The following EMC2 variants were observed in gnomAD, a reference collection of about 807,000 sequenced individuals.
EMC2 encodes the protein TPR repeat protein 35.
Under a neutral mutation model 51.6 loss-of-function variants are expected in EMC2, and 37 were observed. The observed-to-expected ratio is 0.72, with a 90% CI of 0.55 to 0.94. EMC2 has a LOEUF of 0.94. Among genes scored for constraint, EMC2 ranks in the 40% least tolerant of loss-of-function variants. The pLI is 0.00. For missense variants in EMC2, 359 were observed against 350.9 expected, an observed-to-expected ratio of 1.02 and a Z score of -0.18; for synonymous variants, 131 against 112.4, an observed-to-expected ratio of 1.17 and a Z score of -1.04.
At chr8:108,448,933 C>G (rs559175510) in intron 1 of EMC2, among the ~76,000 whole-genome samples, 23 of 151,824 alleles carry the variant, frequency 1.5e-4, no homozygotes, top group Non-Finnish European at 2.5e-4. Context: ...TTAAGTTGTT[C>G]TTCTGTACCT....
At chr8:108,455,112 C>CT (rs1028574215) in intron 4 of EMC2, among the ~76,000 whole-genome samples, 3 of 151,834 alleles carry the variant, frequency 2.0e-5, no homozygotes, top group African/African-American at 7.3e-5. Context: ...AGTTTTGTGT[C>CT]TATCATAAGT....
rs1176811243 is a variant in EMC2, at chr8:108,443,688, C to T, written c.30C>T (p.Val10=). The T allele has an allele frequency of 6.2e-7, 1 of 1,610,138 alleles. No homozygotes were observed. The highest frequency in any genetic ancestry group is 1.1e-5 in the South Asian group (1 of 90,222). The stretch of plus-strand genomic sequence containing the variant: ...CGAAGGTCTCAGAGCTTTACGATGT[C>T]ACTTGGGAAGGTAACTTCGGGTGGG... MAKVSELYD[V]TWEEMRDKMR... is the part of the protein sequence containing the mutation. The change falls in exon 1 of 11, where the codon GTC becomes GTT. Residue 10 remains valine, a synonymous_variant. Transcript: ENST00000220853.
At chr8:108,480,736 G>A (rs1811031127) in intron 10 of EMC2, among the ~76,000 whole-genome samples, 1 of 152,076 alleles carries the variant, frequency 6.6e-6, no homozygotes, top group African/African-American at 2.4e-5. Context: ...TGGTGTTTCT[G>A]CCCTGTTCAG....
At chr8:108,476,024 G>A (rs2130401499) in intron 8 of EMC2, 61 bp downstream of exon 8, 4 of 859,894 alleles carry the variant, frequency 4.7e-6, no homozygotes, top group South Asian at 3.3e-5. Context: ...GTGTTATTAT[G>A]GAACTAAGAA....
chr8:108,463,147 AATT>A (rs1370530507), intron 5 of EMC2, among the ~76,000 whole-genome samples: 3 of 152,166 alleles, frequency 2.0e-5, no homozygotes, highest in Non-Finnish European at 4.4e-5. Context: ...GGTAATTTTT[AATT>A]TTTATTCTTA....
intron 5 of EMC2, among the ~76,000 whole-genome samples, chr8:108,462,175 C>T (rs890911836): frequency 1.4e-4 from 16 of 115,414 alleles, no homozygotes; most frequent in East Asian, 2.2e-4. Flanking sequence ...AATAGGCCTG[C>T]GCGTGTGTGT....
intron 10 of EMC2, among the ~76,000 whole-genome samples, chr8:108,485,419 T>A (rs1015238827): frequency 4.1e-5 from 6 of 146,216 alleles, no homozygotes; most frequent in South Asian, 2.1e-4. Flanking sequence ...TATATATATA[T>A]AAAATATATA....
At chr8:108,484,125 G>A (rs1811093403) in intron 10 of EMC2, among the ~76,000 whole-genome samples, 1 of 152,086 alleles carries the variant, frequency 6.6e-6, no homozygotes, top group South Asian at 2.1e-4. Context: ...AAACTTTAAT[G>A]TGAACCTACT....
intron 5 of EMC2, among the ~76,000 whole-genome samples, chr8:108,459,494 G>T (rs184285735): frequency 6.6e-6 from 1 of 152,270 alleles, no homozygotes; most frequent in Non-Finnish European, 1.5e-5. Context: ...ATCTTACATG[G>T]ATGACAGCAT....
At chr8:108,446,397 G>T (rs1347743559) in intron 1 of EMC2, 1 of 335,644 alleles carries the variant, frequency 3.0e-6, no homozygotes, top group Non-Finnish European at 6.1e-6. Flanking sequence ...TGGGTTGAGA[G>T]ATCAGTTTGG....
At chr8:108,480,087 C>G (rs928620718) in intron 10 of EMC2, among the ~76,000 whole-genome samples, 1 of 152,010 alleles carries the variant, frequency 6.6e-6, no homozygotes, top group Admixed American at 6.6e-5. Flanking sequence ...CACAGTACAC[C>G]CATTTAGTAC....
At chr8:108,456,331 T>A (rs1235870294) in intron 5 of EMC2, among the ~76,000 whole-genome samples, 1 of 57,714 alleles carries the variant, frequency 1.7e-5, no homozygotes, top group Non-Finnish European at 2.8e-5. Context: ...AGACTTCGTG[T>A]CAAAAAAAAA....
At chr8:108,466,442 ATTTTTTTTTTTTT>A (rs869102478) in intron 5 of EMC2, among the ~76,000 whole-genome samples, 1 of 91,036 alleles carries the variant, frequency 1.1e-5, no homozygotes, top group Non-Finnish European at 2.0e-5. Context: ...CTATGATAGA[ATTTTTTTTTTTTT>A]TTTTTTTTTT....
At chr8:108,453,835 A>G (rs750961137) in intron 4 of EMC2, among the ~76,000 whole-genome samples, 4 of 152,170 alleles carry the variant, frequency 2.6e-5, no homozygotes, top group Non-Finnish European at 5.9e-5. Flanking sequence ...CAACTTTAAT[A>G]GTGGATTCAT....
Position 108,486,487 on chromosome 8 carries a change from G to GA in EMC2, c.808-25_808-24insA, listed in dbSNP as rs773510732. 2.6e-5 allele frequency: 33 copies of GA among 1,270,606 alleles called. No individual in the cohort carries two copies. The East Asian group carries it at 9.7e-4, about 37-fold the overall frequency. The allele number at this position is 1,270,606 out of a possible 1,614,324, so 78.7% of individuals were successfully genotyped here. A position where few individuals can be genotyped will look rare whatever the true frequency, so the allele number is the denominator to read the frequency against. On this transcript the variant is annotated intron_variant, in intron 10 of 10. Transcript: ENST00000220853. ...TGCCACTGAAATTGAGCCTAATTGA[G>GA]CTTTTTTTTTTTTTTTTTAATTAGT...
intron 3 of EMC2, among the ~76,000 whole-genome samples, chr8:108,451,473 C>CT (rs1254463818): frequency 2.6e-5 from 4 of 151,936 alleles, no homozygotes; most frequent in African/African-American, 9.7e-5. Flanking sequence ...TGTATTTAAA[C>CT]TGAAAGAAAA....
Position 108,486,426 on chromosome 8 carries a change from G to A in EMC2, c.808-86G>A. The A allele has an allele frequency of 5.0e-6, 7 of 1,407,920 alleles. No individual in the cohort carries two copies. The South Asian group carries it at 1.1e-4, about 23-fold the overall frequency. The allele number at this position is 1,407,920 out of a possible 1,614,324, so 87.2% of individuals were successfully genotyped here. ...CTAGTGATAAAATAGTCAATGTTAA[G>A]TTTCATTAACAGTGTGAAGATTGTC... On this transcript the variant is annotated intron_variant, in intron 10 of 10. Coordinates refer to ENST00000220853, the MANE Select transcript of EMC2 (RefSeq NM_014673.5).
intron 2 of EMC2, 46 bp downstream of exon 2, chr8:108,449,982 G>T: frequency 6.0e-6 from 4 of 668,684 alleles, no homozygotes; most frequent in South Asian, 2.7e-5. Flanking sequence ...CCTCATTCAT[G>T]GGCCTTTTTT....
At chr8:108,468,725 ATAAT>A (rs1480521336) in intron 5 of EMC2, among the ~76,000 whole-genome samples, 4 of 152,200 alleles carry the variant, frequency 2.6e-5, no homozygotes, top group Admixed American at 1.3e-4. Context: ...AATTTTATTC[ATAAT>A]TAATAAGTTT....
Sources: gnomAD v4.1 joint callset for allele counts (sites outside exome capture counted in the v4.1 genomes callset) on GRCh38, gnomAD v4.1.1 for gene constraint, MANE v1.5 for transcripts, NCBI Gene and HGNC (gene_info 2026-07-23, HGNC 2026-07-21) for gene names.